Variants in DPP10 observed in about 807,000 individuals in gnomAD.
The protein encoded by DPP10 is inactive dipeptidyl peptidase 10.
DPP10 carries 33 observed loss-of-function variants against 120.9 expected under a neutral mutation model. That is an observed-to-expected ratio of 0.27 (90% confidence interval 0.21 to 0.37). The LOEUF (loss-of-function observed/expected upper bound fraction) is 0.37, where lower values mean the gene tolerates loss of function less well. Among genes scored for constraint, DPP10 ranks in the 10% least tolerant of loss-of-function variants. The pLI, the probability that DPP10 is intolerant of heterozygous loss-of-function variation, is 1.00. For synonymous variants in DPP10, 337 were observed against 326.1 expected, an observed-to-expected ratio of 1.03 and a Z score of -0.36; for missense variants, 816 against 942.8, an observed-to-expected ratio of 0.87 and a Z score of 1.76.
At chr2:114,957,757 A>C (rs775684014) in intron 1 of DPP10, among the ~76,000 whole-genome samples, 1 of 152,236 alleles carries the variant, frequency 6.6e-6, no homozygotes, top group Non-Finnish European at 1.5e-5. Flanking sequence ...TTAAAAATGT[A>C]GTGTACATAT....
chr2:115,110,770 T>A (rs183604475), intron 1 of DPP10, among the ~76,000 whole-genome samples: 6 of 152,240 alleles, frequency 3.9e-5, no homozygotes, highest in African/African-American at 4.8e-5. Context: ...ATAAATATTT[T>A]GATTTTTTTC....
chr2:115,153,373 T>C (rs1186145559), intron 1 of DPP10, among the ~76,000 whole-genome samples: 1 of 152,196 alleles, frequency 6.6e-6, no homozygotes, highest in Non-Finnish European at 1.5e-5. Context: ...TCAGTGTTCT[T>C]ATGTTGGTCC....
chr2:115,211,810 AAGTT>A lies in DPP10; in HGVS notation c.61-97426_61-97423del, dbSNP rs1299416736. Among the ~76,000 whole-genome samples, 36 of 152,138 alleles carry A rather than the reference AAGTT, an allele frequency of 2.4e-4. 1 individual carries two copies. Among genetic ancestry groups the A allele is most frequent in the Admixed American group, 2.0e-3 (30 of 15,252 alleles). On this transcript the variant is annotated intron_variant, in intron 1 of 25. Coordinates refer to ENST00000410059, the MANE Select transcript of DPP10 (RefSeq NM_020868.6). Reference sequence around the variant, plus strand: ...AGTTAAATACAATGGTAGATAAACTAAGTTAGAGATGTGTGCGTGTGTGTGTCAG... The same window carrying A: ...AGTTAAATACAATGGTAGATAAACTAAGAGATGTGTGCGTGTGTGTGTCAG...
chr2:114,546,078 T>C (rs10197356), intron 1 of DPP10, among the ~76,000 whole-genome samples: 6,935 of 152,132 alleles, frequency 0.046, 507 homozygotes, highest in African/African-American at 0.16. Flanking sequence ...TATCATTCCA[T>C]TCTTGAGAGT....
intron 1 of DPP10, among the ~76,000 whole-genome samples, chr2:115,287,576 A>G (rs1168917075): frequency 1.3e-5 from 2 of 152,150 alleles, no homozygotes; most frequent in Non-Finnish European, 2.9e-5. Flanking sequence ...TACTTCACTT[A>G]GGATAATGGC....
intron 5 of DPP10, among the ~76,000 whole-genome samples, chr2:115,629,321 A>T (rs4408737): frequency 0.98 from 149,675 of 152,006 alleles, 73,733 homozygotes; most frequent in East Asian, 1. Context: ...AATCCTTTGG[A>T]TATATACCCA....
At chr2:115,001,923 G>T (rs1294295927) in intron 1 of DPP10, among the ~76,000 whole-genome samples, 3 of 152,260 alleles carry the variant, frequency 2.0e-5, no homozygotes, top group Admixed American at 2.0e-4. Context: ...TCATGGATAA[G>T]AAAAAATCAA....
At chr2:114,742,761 T>C (rs886576449) in intron 1 of DPP10, among the ~76,000 whole-genome samples, 6 of 152,190 alleles carry the variant, frequency 3.9e-5, no homozygotes, top group African/African-American at 7.2e-5. Context: ...TATCCCACCA[T>C]GTACATAATC....
At chr2:114,943,019 G>A (rs906119245) in intron 1 of DPP10, among the ~76,000 whole-genome samples, 1 of 151,940 alleles carries the variant, frequency 6.6e-6, no homozygotes, top group Non-Finnish European at 1.5e-5. Flanking sequence ...CACCTACATT[G>A]GATATTTCTC....
chr2:114,866,668 A>G (rs1690261051), intron 1 of DPP10, among the ~76,000 whole-genome samples: 2 of 152,224 alleles, frequency 1.3e-5, no homozygotes, highest in Admixed American at 1.3e-4. Flanking sequence ...TAAGTGTTAG[A>G]GGTGAAAAAT....
At chr2:115,374,213 A>G (rs1041393628) in intron 3 of DPP10, among the ~76,000 whole-genome samples, 2 of 152,182 alleles carry the variant, frequency 1.3e-5, no homozygotes, top group African/African-American at 4.8e-5. Flanking sequence ...TTCAAGTCCA[A>G]GGCAAATCCC....
At chr2:114,848,354 C>A (rs891613855) in intron 1 of DPP10, among the ~76,000 whole-genome samples, 1 of 151,352 alleles carries the variant, frequency 6.6e-6, no homozygotes, top group African/African-American at 2.4e-5. Context: ...GGGACTCTAG[C>A]AAAAGCAACT....
chr2:114,972,474 T>G (rs1184391579), intron 1 of DPP10, among the ~76,000 whole-genome samples: 1 of 152,194 alleles, frequency 6.6e-6, no homozygotes. Context: ...GCTTTAGGTA[T>G]CCTACTCAAC....
intron 1 of DPP10, among the ~76,000 whole-genome samples, chr2:114,964,873 C>G (rs1698893232): frequency 6.6e-6 from 1 of 152,154 alleles, no homozygotes; most frequent in Non-Finnish European, 1.5e-5. Flanking sequence ...AAGAAATATA[C>G]TGAAAGAATT....
intron 1 of DPP10, among the ~76,000 whole-genome samples, chr2:114,911,857 A>G (rs1694391512): frequency 6.6e-6 from 1 of 152,158 alleles, no homozygotes; most frequent in South Asian, 2.1e-4. Context: ...CTCTGTAGAG[A>G]ATGAATAGGA....
At chr2:115,356,926 A>G (rs2064432356) in intron 3 of DPP10, among the ~76,000 whole-genome samples, 1 of 152,040 alleles carries the variant, frequency 6.6e-6, no homozygotes, top group African/African-American at 2.4e-5. Flanking sequence ...ATTTTTAGTT[A>G]TTTGAGAACT....
At chr2:115,527,809 G>C (rs866208441) in intron 5 of DPP10, among the ~76,000 whole-genome samples, 1 of 152,134 alleles carries the variant, frequency 6.6e-6, no homozygotes, top group African/African-American at 2.4e-5. Context: ...AACTACAATA[G>C]AATATCACTA....
At chr2:114,834,866 A>AAGCCATATCTACACACCTATGTATATAT (rs1687554492) in intron 1 of DPP10, among the ~76,000 whole-genome samples, 1 of 112,378 alleles carries the variant, frequency 8.9e-6, no homozygotes, top group African/African-American at 3.6e-5. Flanking sequence ...TATGTATATA[A>AAGCCATATCTACACACCTATGTATATAT]AAGACATATC....
intron 1 of DPP10, among the ~76,000 whole-genome samples, chr2:114,887,245 C>T (rs1250501900): frequency 1.3e-5 from 2 of 151,928 alleles, no homozygotes; most frequent in African/African-American, 4.8e-5. Flanking sequence ...GTATGAATTA[C>T]AAAGAAATGA....
Sources: gnomAD v4.1 joint callset for allele counts (sites outside exome capture counted in the v4.1 genomes callset) on GRCh38, gnomAD v4.1.1 for gene constraint, MANE v1.5 for transcripts, NCBI Gene and HGNC (gene_info 2026-07-23, HGNC 2026-07-21) for gene names.